Variants in ACSS2 observed in about 807,000 individuals in gnomAD.
The protein encoded by ACSS2 is acetyl-coenzyme A synthetase, cytoplasmic.
A neutral mutation model predicts 90.6 loss-of-function variants in ACSS2; 58 were observed. The ratio of observed to expected loss-of-function variants is 0.64; its 90% CI spans 0.52 to 0.80. The LOEUF is 0.80. Ranked by LOEUF, ACSS2 falls within the 30% of genes least tolerant of loss-of-function variation. The pLI, the probability that ACSS2 is intolerant of heterozygous loss-of-function variation, is 0.00. For missense variants in ACSS2, 759 were observed against 912.0 expected (o/e 0.83, Z 2.16); for synonymous variants, 300 against 330.9 (o/e 0.91, Z 1.01).
Position 34,921,872 on chromosome 20 carries a change from G to A in ACSS2, c.1548+6G>A, listed in dbSNP as rs375968494. On this transcript the variant is annotated splice_donor_region_variant and intron_variant, in intron 13 of 17. Transcript: ENST00000360596. ...GTGAAGCTGAAGGTTATCTGGTGAG[G>A]CCCTGGCCCTTGGGAGTCTTTAAGG... The A allele has an allele frequency of 2.5e-6, 4 of 1,610,926 alleles. No homozygotes were observed. In the African/African-American group the frequency reaches 5.4e-5, roughly 22 times the overall value.
chr20:34,913,952 C>A, intron 5 of ACSS2, 127 bp downstream of exon 5: 1 of 1,348,694 alleles, frequency 7.4e-7, no homozygotes, highest in South Asian at 1.2e-5. Context: ...CTCTCCTGGT[C>A]CCACCTCAGC....
In ACSS2 at chr20:34,905,283, C is replaced by T. The variant is rs373305438; in HGVS notation, c.375-7813C>T. Among the ~76,000 whole-genome samples, 7 of 145,240 alleles carry T rather than the reference C, an allele frequency of 4.8e-5. 1 individual carries two copies. The South Asian group carries it at 6.5e-4, about 14-fold the overall frequency. ...AGAAGTTTTTTTTTTTTTTTTGAGACGGAGTCTCGCTCGGTCGCCCAGGCT... is the reference window on the plus strand; with the variant it reads ...AGAAGTTTTTTTTTTTTTTTTGAGATGGAGTCTCGCTCGGTCGCCCAGGCT... On this transcript the variant is annotated intron_variant, in intron 2 of 17. Coordinates refer to ENST00000360596, the MANE Select transcript of ACSS2 (RefSeq NM_018677.4).
intron 7 of ACSS2, among the ~76,000 whole-genome samples, chr20:34,916,205 T>C (rs1388761358): frequency 6.6e-6 from 1 of 152,228 alleles, no homozygotes; most frequent in Non-Finnish European, 1.5e-5. Flanking sequence ...ACACCCTTTC[T>C]TTTGAAAGAG....
rs954800618 is a variant in ACSS2 at position 34,920,737 on chromosome 20, G to A, written c.1143+28G>A. On this transcript the variant is annotated intron_variant, in intron 9 of 17. Transcript: ENST00000360596. ...GAGAAGGGAGCCACCTGGCCTAGCTGGGGGATGGACAAGATTATCCTGGGT... is the reference window on the plus strand; with the variant it reads ...GAGAAGGGAGCCACCTGGCCTAGCTAGGGGATGGACAAGATTATCCTGGGT... 5.0e-6 allele frequency: 8 copies of A among 1,593,164 alleles called. No individual in the cohort carries two copies. In the South Asian group the frequency reaches 9.1e-5, roughly 18 times the overall value.
At position 34,899,423 on chromosome 20, in the gene ACSS2, T is replaced by TTTCTTTCTCTTTCTTTCC. The variant is rs1491564858; in HGVS notation, c.375-13670_375-13669insTTTCTCTTTCTTTCCTTC. Among the ~76,000 whole-genome samples, 121 of 113,068 alleles carry TTTCTTTCTCTTTCTTTCC rather than the reference T, an allele frequency of 1.1e-3. 1 individual carries two copies. Among genetic ancestry groups the TTTCTTTCTCTTTCTTTCC allele is most frequent in the African/African-American group, 3.9e-3 (110 of 28,264 alleles). 74.2% of individuals were successfully genotyped at this position (113,068 alleles called of 152,430 possible). ...CTTTCCTTCTTTCTTTCTTTCTTTC[T>TTTCTTTCTCTTTCTTTCC]TTCCTTCCTTCCTTCCTTCCTTCCT... On this transcript the variant is annotated intron_variant, in intron 2 of 17. Transcript: ENST00000360596.
chr20:34,876,765 C>T lies in ACSS2; in HGVS notation c.120C>T (p.His40=), dbSNP rs921087686. 2.8e-6 allele frequency: 4 copies of T among 1,419,934 alleles called. No individual in the cohort carries two copies. Among genetic ancestry groups the T allele is most frequent in the South Asian group, 1.4e-5 (1 of 69,218 alleles). The allele number at this position is 1,419,934 out of a possible 1,614,324, so 88.0% of individuals were successfully genotyped here. A position where few individuals can be genotyped will look rare whatever the true frequency, so the allele number is the denominator to read the frequency against. The part of the protein sequence containing the change: ...SPPPEVSRSA[H]VPSLQRYREL... ...CGCCCGAGGTCAGCCGCTCCGCGCA[C>T]GTCCCCTCGCTGCAGCGCTACCGCG... The change falls in exon 1 of 18, where the codon CAC becomes CAT. Residue 40 remains histidine, a synonymous_variant. Coordinates refer to ENST00000360596, the MANE Select transcript of ACSS2 (RefSeq NM_018677.4).
chr20:34,923,349 C>T lies in ACSS2; in HGVS notation c.1575C>T (p.Ile525=). Residue 525 remains isoleucine, a synonymous_variant, in exon 14 of 18, where the codon ATC becomes ATT. Transcript: ENST00000360596. ...YLVFKQPWPG[I]MRTVYGNHER... is the part of the protein sequence containing the mutation. Reference sequence around the variant, plus strand: ...TGTTCAAGCAGCCCTGGCCAGGGATCATGCGCACAGTCTATGGGAACCACG... The same window carrying T: ...TGTTCAAGCAGCCCTGGCCAGGGATTATGCGCACAGTCTATGGGAACCACG... The T allele has an allele frequency of 1.2e-6, 2 of 1,614,170 alleles. No homozygotes were observed. The highest frequency in any genetic ancestry group is 1.6e-4 in the Middle Eastern group (1 of 6,062).
intron 2 of ACSS2, among the ~76,000 whole-genome samples, chr20:34,899,274 GCTC>G (rs1425794102): frequency 6.6e-6 from 1 of 152,230 alleles, no homozygotes; most frequent in Non-Finnish European, 1.5e-5. Context: ...GGGCTGAAGG[GCTC>G]CTCAAGTGCC....
chr20:34,911,565 G>C (rs1016079861), intron 2 of ACSS2, among the ~76,000 whole-genome samples: 3 of 151,634 alleles, frequency 2.0e-5, no homozygotes, highest in Non-Finnish European at 4.4e-5. Flanking sequence ...CTCAATAGAT[G>C]GGCCCACTTT....
At chr20:34,898,962 A>G (rs568423314) in intron 2 of ACSS2, among the ~76,000 whole-genome samples, 125 of 152,328 alleles carry the variant, frequency 8.2e-4, no homozygotes, top group African/African-American at 2.9e-3. Context: ...GAAGGCAGCT[A>G]AGGCCTGGCG....
chr20:34,915,615 C>G (rs2081062596), intron 7 of ACSS2, among the ~76,000 whole-genome samples: 1 of 151,938 alleles, frequency 6.6e-6, no homozygotes, highest in Non-Finnish European at 1.5e-5. Context: ...AGGTTCAGAC[C>G]CTGACTTTGG....
chr20:34,875,961 G>T (rs2079897502), upstream of ACSS2: 1 of 152,684 alleles, frequency 6.5e-6, no homozygotes. Flanking sequence ...TGTCGCCAGA[G>T]CATGCCCTCA....
rs1343172168 is a variant in ACSS2, at chr20:34,876,700, G to A, written c.55G>A (p.Glu19Lys). 8.3e-6 allele frequency: 12 copies of A among 1,437,452 alleles called. No individual in the cohort carries two copies. The highest frequency in any genetic ancestry group is 1.4e-5 in the South Asian group (1 of 70,936). 89.0% of individuals were successfully genotyped at this position (1,437,452 alleles called of 1,614,324 possible). ...CGGCAGCGGGAGCCGGGGCCAGGAG[G>A]AAGCTGGAGCCGGAGGCCGGGCGCG... The part of the protein sequence containing the change: ...RSGSGSRGQE[E>K]AGAGGRARSW... The change falls in exon 1 of 18, where the codon GAA becomes AAA. Residue 19 changes from glutamate to lysine, a missense_variant. Glu to Lys is a moderately conservative substitution (Grantham distance 56). Coordinates refer to ENST00000360596, the MANE Select transcript of ACSS2 (RefSeq NM_018677.4).
intron 9 of ACSS2, 26 bp from the exon 10 acceptor site, chr20:34,920,980 G>A: frequency 6.2e-7 from 1 of 1,613,862 alleles, no homozygotes; most frequent in East Asian, 2.2e-5. Context: ...AGGAAAGACT[G>A]GGAATGACCA....
chr20:34,920,833 G>A (rs2081180364), intron 9 of ACSS2, 124 bp downstream of exon 9: 1 of 1,456,758 alleles, frequency 6.9e-7, no homozygotes, highest in African/African-American at 1.4e-5. Flanking sequence ...TGGAGAAAGA[G>A]AAGTCCTGAG....
intron 1 of ACSS2, among the ~76,000 whole-genome samples, chr20:34,879,955 TA>T (rs1328012858): frequency 1.3e-5 from 2 of 152,206 alleles, no homozygotes; most frequent in African/African-American, 4.8e-5. Context: ...GTATACTTTG[TA>T]AGACCATAAT....
At chr20:34,887,940 C>T (rs917463985) in intron 2 of ACSS2, among the ~76,000 whole-genome samples, 2 of 144,902 alleles carry the variant, frequency 1.4e-5, no homozygotes, top group African/African-American at 5.1e-5. Flanking sequence ...TGTGGTGGCG[C>T]ACTCCTGTAA....
At chr20:34,904,449 G>A (rs2080748586) in intron 2 of ACSS2, among the ~76,000 whole-genome samples, 1 of 152,084 alleles carries the variant, frequency 6.6e-6, no homozygotes, top group South Asian at 2.1e-4. Context: ...GAGGAAGAGA[G>A]AATAGTTGTA....
chr20:34,905,655 G>T (rs982635149), intron 2 of ACSS2, among the ~76,000 whole-genome samples: 2 of 152,186 alleles, frequency 1.3e-5, no homozygotes, highest in Non-Finnish European at 2.9e-5. Context: ...AGCAAAAGCT[G>T]ACAGGAACCA....
Sources: gnomAD v4.1 joint callset for allele counts (sites outside exome capture counted in the v4.1 genomes callset) on GRCh38, gnomAD v4.1.1 for gene constraint, MANE v1.5 for transcripts, NCBI Gene and HGNC (gene_info 2026-07-23, HGNC 2026-07-21) for gene names.